Variants in TOPAZ1 observed in about 807,000 individuals in gnomAD.
TOPAZ1 encodes the protein testis and ovary specific TOPAZ 1.
In TOPAZ1, 66 loss-of-function variants were observed where a neutral mutation model predicts 172.2. The ratio of observed to expected loss-of-function variants is 0.38; its 90% CI spans 0.31 to 0.47. The LOEUF (loss-of-function observed/expected upper bound fraction) is 0.47. Among genes scored for constraint, TOPAZ1 ranks in the 20% least tolerant of loss-of-function variants. The pLI is 0.99. For synonymous variants in TOPAZ1, 681 were observed against 683.9 expected, an observed-to-expected ratio of 1.00 and a Z score of 0.07; for missense variants, 1,822 against 1,972.4, an observed-to-expected ratio of 0.92 and a Z score of 1.44.
chr3:44,321,600 C>T (rs923636449), intron 17 of TOPAZ1, among the ~76,000 whole-genome samples: 2 of 152,272 alleles, frequency 1.3e-5, no homozygotes, highest in Non-Finnish European at 1.5e-5. Context: ...CAAGTTCAAA[C>T]GCCAATGTGG....
At chr3:44,307,443 A>T (rs1274193406) in intron 15 of TOPAZ1, among the ~76,000 whole-genome samples, 3 of 152,180 alleles carry the variant, frequency 2.0e-5, no homozygotes, top group Non-Finnish European at 4.4e-5. Context: ...TTTGAGGCTT[A>T]GCTTACCATA....
chr3:44,244,770 A>T lies in TOPAZ1; in HGVS notation c.2264A>T (p.Gln755Leu). Residue 755 changes from glutamine (Q) to leucine (L), a missense_variant, in exon 2 of 20, where the codon CAA becomes CTA. This residue lies in a region of TOPAZ1 where 1,489 missense variants were observed against 1,490.8 expected (regional missense o/e 1.00). Transcript: ENST00000309765. ...ATACGAAATAGTGTAACTCCAGTGC[A>T]AGCTAGTTCTGACTCATTCTACAAT... ...LSIRNSVTPV[Q>L]ASSDSFYNKK... The T allele has an allele frequency of 6.4e-7, 1 of 1,551,600 alleles. No individual in the cohort carries two copies. The highest frequency in any genetic ancestry group is 1.4e-5 in the African/African-American group (1 of 73,164).
chr3:44,269,605 A>T, intron 7 of TOPAZ1, among the ~76,000 whole-genome samples: 1 of 141,816 alleles, frequency 7.1e-6, no homozygotes, highest in African/African-American at 2.6e-5. Flanking sequence ...AATACTTTGG[A>T]CCTTTTGGTT....
At chr3:44,334,696 C>T (rs185512776), downstream of TOPAZ1, among the ~76,000 whole-genome samples, 50 of 152,280 alleles carry the variant, frequency 3.3e-4, no homozygotes, top group East Asian at 5.4e-3. Context: ...AGGATTTTGG[C>T]CCACTTTGGG....
At position 44,243,098 on chromosome 3, in the gene TOPAZ1, T is replaced by G; in HGVS notation, c.592T>G (p.Phe198Val). ...GGCTACACAAAATATTAAGGTTGAA[T>G]TCCAAGATGAACTGTACAAGAATAC... ...NEATQNIKVE[F>V]QDELYKNTPK... The change falls in exon 2 of 20, where the codon TTC becomes GTC. Residue 198 changes from phenylalanine (F) to valine (V), a missense_variant. Around this residue, in one of 2 missense-constraint regions of TOPAZ1, gnomAD observed 1,489 missense variants for 1,490.8 expected, o/e 1.00. Transcript: ENST00000309765. The G allele has an allele frequency of 6.5e-7, 1 of 1,548,272 alleles. No individual in the cohort carries two copies. The highest frequency in any genetic ancestry group is 8.7e-7 in the Non-Finnish European group (1 of 1,145,778).
Position 44,243,854 on chromosome 3 carries a change from A to G in TOPAZ1, c.1348A>G (p.Lys450Glu), listed in dbSNP as rs1166671388. 3 of 1,551,738 alleles carry G rather than the reference A, an allele frequency of 1.9e-6. No homozygotes were observed. The highest frequency in any genetic ancestry group is 2.0e-5 in the Admixed American group (1 of 50,948). Residue 450 changes from lysine to glutamate, a missense_variant, in exon 2 of 20, where the codon AAA becomes GAA. By Grantham distance (56) the Lys-to-Glu change is moderately conservative. Around this residue, in one of 2 missense-constraint regions of TOPAZ1, gnomAD observed 1,489 missense variants for 1,490.8 expected, o/e 1.00. Coordinates refer to ENST00000309765, the MANE Select transcript of TOPAZ1 (RefSeq NM_001145030.2). ...ATCGAAAGAGGATTTTAAATCGATG[A>G]AAAGCTTCATAGGGAAATCACCTAA... is the stretch of plus-strand genomic sequence containing the variant. Reference protein sequence around the residue: ...MASKEDFKSMKSFIGKSPNEY... With the variant: ...MASKEDFKSMESFIGKSPNEY...
At chr3:44,335,442 G>A (rs1410332718), downstream of TOPAZ1, among the ~76,000 whole-genome samples, 1 of 152,070 alleles carries the variant, frequency 6.6e-6, no homozygotes, top group African/African-American at 2.4e-5. Context: ...TGGCCAACAT[G>A]GTGAAACCCT....
chr3:44,245,697 C>T (rs529100030), intron 2 of TOPAZ1, among the ~76,000 whole-genome samples: 2 of 152,086 alleles, frequency 1.3e-5, no homozygotes, highest in South Asian at 4.2e-4. Context: ...CCACCATGCC[C>T]GGCTAATTTG....
chr3:44,270,776 A>G lies in TOPAZ1; in HGVS notation c.3338A>G (p.Lys1113Arg). Reference protein sequence around the residue: ...TLRGCERPLCKFAHVPEQGDE... With the variant: ...TLRGCERPLCRFAHVPEQGDE... ...CGTGGCTGTGAGCGACCACTGTGCAAGTTTGCTCATGTGCCTGAACAAGGG... is the reference window on the plus strand; with the variant it reads ...CGTGGCTGTGAGCGACCACTGTGCAGGTTTGCTCATGTGCCTGAACAAGGG... Residue 1113 changes from lysine (K) to arginine (R), a missense_variant, in exon 8 of 20, where the codon AAG becomes AGG. By Grantham distance (26) the Lys-to-Arg change is conservative (BLOSUM62 2). Coordinates refer to ENST00000309765, the MANE Select transcript of TOPAZ1 (RefSeq NM_001145030.2). 1 of 1,550,708 alleles carries G rather than the reference A, an allele frequency of 6.4e-7. No homozygotes were observed. The highest frequency in any genetic ancestry group is 8.7e-7 in the Non-Finnish European group (1 of 1,146,386).
intron 6 of TOPAZ1, among the ~76,000 whole-genome samples, chr3:44,268,832 A>G (rs774340328): frequency 2.6e-5 from 4 of 152,202 alleles, no homozygotes; most frequent in Admixed American, 1.3e-4. Flanking sequence ...TTTTGGGGAC[A>G]CAGTTCAGTC....
intron 16 of TOPAZ1, among the ~76,000 whole-genome samples, chr3:44,312,090 A>G (rs552456034): frequency 6.6e-6 from 1 of 152,276 alleles, no homozygotes; most frequent in Admixed American, 6.5e-5. Context: ...TTACACCAAC[A>G]ATGGTAACAA....
chr3:44,257,360 T>G (rs1360439776), intron 4 of TOPAZ1, among the ~76,000 whole-genome samples: 28 of 19,146 alleles, frequency 1.5e-3, no homozygotes, highest in African/African-American at 3.9e-3. Context: ...GGGGTGTGTG[T>G]GTGTGTGTGT....
rs909933449 is a variant in TOPAZ1 at position 44,322,971 on chromosome 3, C to T, written c.4472-121C>T. The T allele has an allele frequency of 2.6e-5, 15 of 588,186 alleles. No individual in the cohort carries two copies. The African/African-American group carries it at 2.7e-4, about 10-fold the overall frequency. 36.4% of individuals were successfully genotyped at this position (588,186 alleles called of 1,614,324 possible). Reference sequence around the variant, plus strand: ...ATATAAAATGATTGCATTTTAGTGACTGTGAGTCCTATAATGGGTAAGAAA... The same window carrying T: ...ATATAAAATGATTGCATTTTAGTGATTGTGAGTCCTATAATGGGTAAGAAA... On this transcript the variant is annotated intron_variant, in intron 17 of 19. Coordinates refer to ENST00000309765, the MANE Select transcript of TOPAZ1 (RefSeq NM_001145030.2).
In TOPAZ1 at chr3:44,290,805, A is replaced by C. The variant is rs1308854359; in HGVS notation, c.3716A>C (p.His1239Pro). The change falls in exon 12 of 20, where the codon CAC becomes CCC. Residue 1239 changes from histidine (H) to proline (P), a missense_variant. This residue lies in a region of TOPAZ1 where 1,489 missense variants were observed against 1,490.8 expected (regional missense o/e 1.00). Coordinates refer to ENST00000309765, the MANE Select transcript of TOPAZ1 (RefSeq NM_001145030.2). ...VEAGMVLDPE[H>P]FNYIVKLLYQ... is the part of the protein sequence containing the mutation. ...GCCGGGATGGTGCTTGACCCAGAGC[A>C]CTTTAACTATATTGTTAAGCTTTTA... is the stretch of plus-strand genomic sequence containing the variant. 40 of 1,550,020 alleles carry C rather than the reference A, an allele frequency of 2.6e-5. No individual in the cohort carries two copies. The highest frequency in any genetic ancestry group is 3.5e-5 in the Non-Finnish European group (40 of 1,146,546).
chr3:44,314,040 ATAT>A (rs1194468100), intron 16 of TOPAZ1, among the ~76,000 whole-genome samples: 1 of 151,962 alleles, frequency 6.6e-6, no homozygotes, highest in East Asian at 1.9e-4. Flanking sequence ...TTGCATTTTT[ATAT>A]TATTTATTTT....
At chr3:44,326,941 A>G (rs1559550319) in intron 18 of TOPAZ1, among the ~76,000 whole-genome samples, 1 of 152,242 alleles carries the variant, frequency 6.6e-6, no homozygotes, top group Non-Finnish European at 1.5e-5. Context: ...TTAAATAAGA[A>G]TGCATGTAAA....
At chr3:44,327,788 A>AG (rs1700617940) in intron 18 of TOPAZ1, among the ~76,000 whole-genome samples, 2 of 151,718 alleles carry the variant, frequency 1.3e-5, no homozygotes. Flanking sequence ...ACTGTCGCCT[A>AG]GGCTGGAGTA....
intron 12 of TOPAZ1, among the ~76,000 whole-genome samples, chr3:44,298,272 TG>T (rs1175561786): frequency 6.6e-6 from 1 of 152,136 alleles, no homozygotes; most frequent in Non-Finnish European, 1.5e-5. Flanking sequence ...GAGGCCAGCC[TG>T]GGCAACGTGG....
At chr3:44,309,751 G>T (rs1436267824) in intron 15 of TOPAZ1, 74 bp from the exon 16 acceptor site, 2 of 1,107,502 alleles carry the variant, frequency 1.8e-6, no homozygotes, top group Non-Finnish European at 2.5e-6. Context: ...TACTTGGCTT[G>T]TGAATAATTA....
Sources: gnomAD v4.1 joint callset for allele counts (sites outside exome capture counted in the v4.1 genomes callset) on GRCh38, gnomAD v4.1.1 for gene constraint, gnomAD v4.1.1 regional missense constraint, MANE v1.5 for transcripts, NCBI Gene and HGNC (gene_info 2026-07-23, HGNC 2026-07-21) for gene names.